TAOK1: variants seen among roughly 807,000 people sequenced by gnomAD.
The protein encoded by TAOK1 is TAO kinase 1, also known as serine/threonine-protein kinase TAO1.
In TAOK1, 21 loss-of-function variants were observed where a neutral mutation model predicts 138.3. The observed-to-expected ratio is 0.15, with a 90% CI of 0.11 to 0.22. The LOEUF is 0.22. Ranked by LOEUF, TAOK1 falls within the 10% of genes least tolerant of loss-of-function variation. TAOK1 has a pLI of 1.00. For synonymous variants in TAOK1, 361 were observed against 398.4 expected, an observed-to-expected ratio of 0.91 and a Z score of 1.12; for missense variants, 651 against 1,227.7, an observed-to-expected ratio of 0.53 and a Z score of 7.02.
chr17:29,528,986 T>TA (rs1470497612), intron 17 of TAOK1, among the ~76,000 whole-genome samples: 3 of 149,760 alleles, frequency 2.0e-5, no homozygotes, highest in African/African-American at 7.4e-5. Flanking sequence ...TTTTTTTTTT[T>TA]AAGAGACCAG....
chr17:29,503,272 T>C lies in TAOK1; in HGVS notation c.1338+549T>C, dbSNP rs141880334. Reference sequence around the variant, plus strand: ...TTAGCCGGGCGTGGTGGCAGGAGCCTGTAGTCCCAGCTACTTGAGAGGCTG... The same window carrying C: ...TTAGCCGGGCGTGGTGGCAGGAGCCCGTAGTCCCAGCTACTTGAGAGGCTG... On this transcript the variant is annotated intron_variant, in intron 13 of 19. Transcript: ENST00000261716. 7.7e-3 allele frequency among the ~76,000 whole-genome samples: 1,169 copies of C among 151,894 alleles called. 17 individuals are homozygous for C. Among genetic ancestry groups the C allele is most frequent in the African/African-American group, 0.025 (1,042 of 41,430 alleles).
At chr17:29,432,362 G>A (rs1198635106) in intron 1 of TAOK1, among the ~76,000 whole-genome samples, 2 of 152,182 alleles carry the variant, frequency 1.3e-5, no homozygotes, top group Non-Finnish European at 2.9e-5. Flanking sequence ...TTCCATCCTG[G>A]GTGGGCCAGG....
chr17:29,458,980 A>C lies in TAOK1; in HGVS notation c.132+7300A>C, dbSNP rs11869746. ...AGAGATCCACCCGCCTTGGCCTCCC[A>C]ACGTGCTGAGATTATAGGCATGAGC... On this transcript the variant is annotated intron_variant, in intron 2 of 19. Transcript: ENST00000261716. Among the ~76,000 whole-genome samples, 1,249 of 152,184 alleles carry C rather than the reference A, an allele frequency of 8.2e-3. 7 individuals are homozygous for C. Among genetic ancestry groups the C allele is most frequent in the Non-Finnish European group, 0.013 (893 of 68,010 alleles).
At chr17:29,536,951 C>T (rs1189975858) in intron 19 of TAOK1, among the ~76,000 whole-genome samples, 3 of 152,066 alleles carry the variant, frequency 2.0e-5, no homozygotes, top group Non-Finnish European at 2.9e-5. Flanking sequence ...CCGCCTGCCT[C>T]GGCCTCCCAA....
At position 29,522,536 on chromosome 17, in the gene TAOK1, C is replaced by A; in HGVS notation, c.2148+17C>A. 6.2e-7 allele frequency: 1 copy of A among 1,613,150 alleles called. No individual in the cohort carries two copies. Among genetic ancestry groups the A allele is most frequent in the Non-Finnish European group, 8.5e-7 (1 of 1,179,430 alleles). On this transcript the variant is annotated intron_variant, in intron 17 of 19. Coordinates refer to ENST00000261716, the MANE Select transcript of TAOK1 (RefSeq NM_020791.4). ...AGTTTGAAGGTATGGTTAGCCTAAG[C>A]TTTTTGATAACAGGGAGGAGAATGA...
At chr17:29,393,429 G>A (rs922178851) in intron 1 of TAOK1, among the ~76,000 whole-genome samples, 1 of 152,034 alleles carries the variant, frequency 6.6e-6, no homozygotes, top group African/African-American at 2.4e-5. Context: ...TTGCCTAAAA[G>A]TGGAAAAGTA....
intron 1 of TAOK1, among the ~76,000 whole-genome samples, chr17:29,427,183 T>C (rs1446209128): frequency 6.6e-6 from 1 of 152,156 alleles, no homozygotes; most frequent in Non-Finnish European, 1.5e-5. Context: ...TTTAGAAATG[T>C]AGTTTGGACC....
At chr17:29,431,832 A>G in intron 1 of TAOK1, among the ~76,000 whole-genome samples, 9 of 108,464 alleles carry the variant, frequency 8.3e-5, no homozygotes, top group African/African-American at 1.5e-4. Context: ...TTTGAGATGG[A>G]GTCTCACTCT....
intron 1 of TAOK1, among the ~76,000 whole-genome samples, chr17:29,425,688 A>G (rs1905613292): frequency 1.7e-5 from 1 of 59,650 alleles, no homozygotes; most frequent in Non-Finnish European, 3.4e-5. Flanking sequence ...CAAACAAACA[A>G]AAAAACCAAA....
At chr17:29,521,560 C>T (rs1236591853) in intron 16 of TAOK1, among the ~76,000 whole-genome samples, 1 of 152,164 alleles carries the variant, frequency 6.6e-6, no homozygotes, top group Non-Finnish European at 1.5e-5. Flanking sequence ...ATTTAGAATA[C>T]AGGCAGTATA....
At chr17:29,457,402 CTT>C (rs769026325) in intron 2 of TAOK1, among the ~76,000 whole-genome samples, 1,746 of 76,568 alleles carry the variant, frequency 0.023, 50 homozygotes, top group African/African-American at 0.1. Flanking sequence ...CACCCCAGGC[CTT>C]TTTTTTTTTT....
chr17:29,424,647 T>G (rs999884852), intron 1 of TAOK1: 1 of 152,164 alleles, frequency 6.6e-6, no homozygotes, highest in African/African-American at 2.4e-5. Context: ...TTTTGTGTCA[T>G]GTATTAGATT....
intron 19 of TAOK1, among the ~76,000 whole-genome samples, chr17:29,536,828 T>C (rs2032232043): frequency 6.6e-6 from 1 of 150,968 alleles, no homozygotes; most frequent in South Asian, 2.1e-4. Context: ...GCCTCCCGAG[T>C]ACCTGGGACT....
chr17:29,522,453 G>T lies in TAOK1; in HGVS notation c.2082G>T (p.Lys694Asn). ...TELTNQLEYN[K>N]RRERELRRKH... is the part of the protein sequence containing the mutation. ...TCACTAACCAGCTGGAATATAATAAGCGAAGAGAACGAGAACTAAGACGAA... is the reference window on the plus strand; with the variant it reads ...TCACTAACCAGCTGGAATATAATAATCGAAGAGAACGAGAACTAAGACGAA... Residue 694 changes from lysine (K) to asparagine (N), a missense_variant, in exon 17 of 20, where the codon AAG becomes AAT. Transcript: ENST00000261716. 6.2e-7 allele frequency: 1 copy of T among 1,614,122 alleles called. No individual in the cohort carries two copies. The highest frequency in any genetic ancestry group is 8.5e-7 in the Non-Finnish European group (1 of 1,180,036).
chr17:29,471,384 ATTCTCCTGC>A (rs946396780), intron 3 of TAOK1, among the ~76,000 whole-genome samples: 1 of 128,862 alleles, frequency 7.8e-6, no homozygotes, highest in African/African-American at 3.0e-5. Context: ...GGTTCAAGTG[ATTCTCCTGC>A]TTGCCTCCCG....
At chr17:29,463,555 A>G (rs1162037716) in intron 2 of TAOK1, among the ~76,000 whole-genome samples, 1 of 149,862 alleles carries the variant, frequency 6.7e-6, no homozygotes, top group Non-Finnish European at 1.5e-5. Flanking sequence ...TGGGTGACAG[A>G]GCAAGACTCC....
chr17:29,401,270 C>T (rs922760369), intron 1 of TAOK1, among the ~76,000 whole-genome samples: 3 of 152,022 alleles, frequency 2.0e-5, no homozygotes, highest in Non-Finnish European at 4.4e-5. Context: ...TAAAGACATA[C>T]CTGAGACTGG....
chr17:29,419,265 C>T (rs1341632751), intron 1 of TAOK1, among the ~76,000 whole-genome samples: 3 of 151,686 alleles, frequency 2.0e-5, no homozygotes, highest in Admixed American at 1.3e-4. Context: ...GGCATGCTCT[C>T]GGCTCACCGC....
intron 1 of TAOK1, among the ~76,000 whole-genome samples, chr17:29,412,038 T>G (rs1905158047): frequency 6.6e-6 from 1 of 151,818 alleles, no homozygotes; most frequent in African/African-American, 2.4e-5. Context: ...TCTCTCTCTC[T>G]TTCTCTCTCT....
Sources: allele counts gnomAD v4.1 joint callset (sites outside exome capture counted in the v4.1 genomes callset), GRCh38; gene constraint gnomAD v4.1.1; transcripts MANE v1.5; gene names NCBI Gene and HGNC (gene_info 2026-07-23, HGNC 2026-07-21).